PDGFC: variants seen among roughly 807,000 people sequenced by gnomAD.
PDGFC encodes the protein platelet derived growth factor C.
A neutral mutation model predicts 35.5 loss-of-function variants in PDGFC; 12 were observed. The observed-to-expected ratio is 0.34, with a 90% CI of 0.22 to 0.55. The LOEUF (loss-of-function observed/expected upper bound fraction) is 0.55. Among genes scored for constraint, PDGFC ranks in the 20% least tolerant of loss-of-function variants. The pLI is 0.91. For synonymous variants in PDGFC, 159 were observed against 148.8 expected (o/e 1.07, Z -0.50); for missense variants, 322 against 412.4 (o/e 0.78, Z 1.90).
intron 1 of PDGFC, among the ~76,000 whole-genome samples, chr4:156,916,756 A>G (rs1731164323): frequency 6.6e-6 from 1 of 152,178 alleles, no homozygotes; most frequent in Non-Finnish European, 1.5e-5. Flanking sequence ...ACAGCTGCTG[A>G]GCCTTTGGGG....
intron 1 of PDGFC, among the ~76,000 whole-genome samples, chr4:156,933,328 T>C (rs944467556): frequency 1.3e-5 from 2 of 152,176 alleles, no homozygotes; most frequent in Non-Finnish European, 2.9e-5. Flanking sequence ...ACAATTAATT[T>C]GCAACCCCAA....
intron 2 of PDGFC, among the ~76,000 whole-genome samples, chr4:156,812,723 A>C (rs1731971449): frequency 1.3e-5 from 2 of 152,098 alleles, no homozygotes; most frequent in Non-Finnish European, 2.9e-5. Flanking sequence ...CATTTTCCTC[A>C]CTGGTAAACT....
intron 1 of PDGFC, chr4:156,967,891 G>A (rs1340569775): frequency 6.6e-6 from 1 of 152,208 alleles, no homozygotes; most frequent in Non-Finnish European, 1.5e-5. Context: ...TCATAAGTGA[G>A]ACAGGGTCAG....
intron 1 of PDGFC, among the ~76,000 whole-genome samples, chr4:156,880,128 C>T (rs1197222842): frequency 5.3e-5 from 8 of 152,208 alleles, no homozygotes; most frequent in South Asian, 4.2e-4. Context: ...CACTAAACAA[C>T]GGATCGTCGA....
rs72974681 is a variant in PDGFC, at chr4:156,816,848, C to T, written c.315-5831G>A. On this transcript the variant is annotated intron_variant, in intron 2 of 5. Coordinates refer to ENST00000502773, the MANE Select transcript of PDGFC (RefSeq NM_016205.3). Reference sequence around the variant, plus strand: ...AGATTGGCCAAAAGGTCTTTTTCAGCGACTGGAGAAATATTAGGGCCATAC... The same window carrying T: ...AGATTGGCCAAAAGGTCTTTTTCAGTGACTGGAGAAATATTAGGGCCATAC... Among the ~76,000 whole-genome samples, 703 of 152,162 alleles carry T rather than the reference C, an allele frequency of 4.6e-3. 4 individuals are homozygous for T. The highest frequency in any genetic ancestry group is 0.016 in the African/African-American group (652 of 41,518).
chr4:156,818,050 A>T (rs1156471753), intron 2 of PDGFC, among the ~76,000 whole-genome samples: 1 of 140,620 alleles, frequency 7.1e-6, no homozygotes, highest in African/African-American at 2.8e-5. Flanking sequence ...CAAGAGCAAT[A>T]CTCCGTCTTA....
chr4:156,886,554 T>G (rs1312865560), intron 1 of PDGFC: 1 of 152,204 alleles, frequency 6.6e-6, no homozygotes. Context: ...AATCTTGATT[T>G]TATTCTCTCA....
intron 3 of PDGFC, among the ~76,000 whole-genome samples, chr4:156,776,166 C>A (rs897400969): frequency 1.3e-5 from 2 of 152,182 alleles, no homozygotes; most frequent in South Asian, 2.1e-4. Flanking sequence ...TTACTTTTCT[C>A]TCTAACAAAG....
At chr4:156,922,454 A>G (rs1376999382) in intron 1 of PDGFC, among the ~76,000 whole-genome samples, 1 of 152,228 alleles carries the variant, frequency 6.6e-6, no homozygotes, top group Admixed American at 6.5e-5. Context: ...ATTAGAAAGT[A>G]GCATACAATT....
intron 3 of PDGFC, among the ~76,000 whole-genome samples, chr4:156,802,873 T>G (rs78738822): frequency 6.6e-6 from 1 of 152,332 alleles, no homozygotes; most frequent in South Asian, 2.1e-4. Flanking sequence ...TGAGGGTTAA[T>G]ACTTAGAGCA....
At chr4:156,959,934 T>C (rs1732300991) in intron 1 of PDGFC, among the ~76,000 whole-genome samples, 1 of 151,892 alleles carries the variant, frequency 6.6e-6, no homozygotes, top group Non-Finnish European at 1.5e-5. Context: ...TAAAGATAAA[T>C]TTTTCACCGT....
intron 3 of PDGFC, among the ~76,000 whole-genome samples, chr4:156,775,263 T>G (rs1730799481): frequency 6.6e-6 from 1 of 152,156 alleles, no homozygotes; most frequent in Admixed American, 6.6e-5. Flanking sequence ...CGCAAATTTT[T>G]GCATATTTCA....
intron 2 of PDGFC, among the ~76,000 whole-genome samples, chr4:156,834,800 G>C (rs181080025): frequency 1.3e-5 from 2 of 152,086 alleles, no homozygotes; most frequent in East Asian, 3.9e-4. Flanking sequence ...ATGCATTATG[G>C]GTAATAGAAA....
chr4:156,928,207 A>C (rs1731462936), intron 1 of PDGFC, among the ~76,000 whole-genome samples: 1 of 152,172 alleles, frequency 6.6e-6, no homozygotes, highest in African/African-American at 2.4e-5. Flanking sequence ...GTGGGGACAC[A>C]GAGCTAAACC....
chr4:156,889,278 C>T (rs184533528), intron 1 of PDGFC, among the ~76,000 whole-genome samples: 3 of 152,226 alleles, frequency 2.0e-5, no homozygotes, highest in Admixed American at 1.3e-4. Context: ...TGATATTTTC[C>T]CTGAACATTA....
At chr4:156,922,189 TGTGC>T (rs1190190454) in intron 1 of PDGFC, among the ~76,000 whole-genome samples, 1 of 151,014 alleles carries the variant, frequency 6.6e-6, no homozygotes, top group Non-Finnish European at 1.5e-5. Flanking sequence ...TGTGTGTGTG[TGTGC>T]ATCTGTGTGT....
At chr4:156,843,360 AC>A (rs1290525921) in intron 2 of PDGFC, among the ~76,000 whole-genome samples, 1 of 152,210 alleles carries the variant, frequency 6.6e-6, no homozygotes, top group Non-Finnish European at 1.5e-5. Flanking sequence ...TTTATAAGCC[AC>A]CCAGTTTATG....
chr4:156,842,428 T>A (rs191745862), intron 2 of PDGFC, among the ~76,000 whole-genome samples: 30 of 152,136 alleles, frequency 2.0e-4, no homozygotes, highest in African/African-American at 7.2e-4. Context: ...TCTAAAGTTT[T>A]GTGTTTGAGA....
rs749956577 is a variant in PDGFC at position 156,772,762 on chromosome 4, C to A, written c.627G>T (p.Gln209His). 2 of 1,613,422 alleles carry A rather than the reference C, an allele frequency of 1.2e-6. No individual in the cohort carries two copies. The highest frequency in any genetic ancestry group is 1.1e-5 in the South Asian group (1 of 91,072). Residue 209 changes from glutamine to histidine, a missense_variant, in exon 4 of 6, where the codon CAG (glutamine) becomes CAT (histidine). Transcript: ENST00000502773. ...GCCTATATAGATCTTCTAAGTCCAA[C>A]TGCCATCTCTCTGGTTCAAGATATC... ...LIRYLEPERW[Q>H]LDLEDLYRPT...
Sources: gnomAD v4.1 joint callset for allele counts (sites outside exome capture counted in the v4.1 genomes callset) on GRCh38, gnomAD v4.1.1 for gene constraint, MANE v1.5 for transcripts, NCBI Gene and HGNC (gene_info 2026-07-23, HGNC 2026-07-21) for gene names.